GPR149: variants seen among roughly 807,000 people sequenced by gnomAD.
GPR149 encodes the protein probable G protein-coupled receptor 149.
Under a neutral mutation model 50.2 loss-of-function variants are expected in GPR149, and 50 were observed. The ratio of observed to expected loss-of-function variants is 1.00; its 90% CI spans 0.79 to 1.26. GPR149 has a LOEUF of 1.26. Ranked by LOEUF, GPR149 falls within the 50% of genes most tolerant of loss-of-function variation. The pLI, the probability that GPR149 is intolerant of heterozygous loss-of-function variation, is 0.00. For synonymous variants in GPR149, 405 were observed against 358.2 expected, an observed-to-expected ratio of 1.13 and a Z score of -1.48; for missense variants, 983 against 895.4, an observed-to-expected ratio of 1.10 and a Z score of -1.25.
chr3:154,419,475 G>C (rs1712078956), intron 3 of GPR149, among the ~76,000 whole-genome samples: 1 of 151,930 alleles, frequency 6.6e-6, no homozygotes, highest in African/African-American at 2.4e-5. Context: ...CATGTTAAAT[G>C]AACAAAAGCA....
chr3:154,386,756 T>G (rs1326608968), intron 3 of GPR149, among the ~76,000 whole-genome samples: 1 of 152,226 alleles, frequency 6.6e-6, no homozygotes. Flanking sequence ...CCACTGCGAT[T>G]GAATTCTCAT....
intron 3 of GPR149, among the ~76,000 whole-genome samples, chr3:154,368,865 C>A (rs549264055): frequency 1.6e-4 from 25 of 152,336 alleles, no homozygotes; most frequent in Admixed American, 6.5e-4. Flanking sequence ...CCTTAGCATG[C>A]AAGCATCAGT....
rs140680345 is a variant in GPR149 at position 154,409,259 on chromosome 3, A to T, written c.1623+11780T>A. On this transcript the variant is annotated intron_variant, in intron 3 of 3. Coordinates refer to ENST00000389740, the MANE Select transcript of GPR149 (RefSeq NM_001038705.3). ...TTGAATTCCAGATCTTCCCTCTGAC[A>T]TAGTCTGCCCAAATGAGAAGGAACC... Among the ~76,000 whole-genome samples the T allele has an allele frequency of 3.4e-3, 512 of 152,336 alleles. 1 individual carries two copies. Among genetic ancestry groups the T allele is most frequent in the African/African-American group, 0.012 (498 of 41,588 alleles).
intron 3 of GPR149, among the ~76,000 whole-genome samples, chr3:154,364,735 G>A (rs558191371): frequency 6.6e-6 from 1 of 152,370 alleles, no homozygotes; most frequent in African/African-American, 2.4e-5. Flanking sequence ...TACTGAGACT[G>A]AAGTTGGGCT....
At chr3:154,366,103 CAA>C (rs899190325) in intron 3 of GPR149, among the ~76,000 whole-genome samples, 1 of 152,116 alleles carries the variant, frequency 6.6e-6, no homozygotes. Flanking sequence ...GGCCCTCAAC[CAA>C]ATGACTGGAC....
chr3:154,413,315 G>A (rs1276895723), intron 3 of GPR149, among the ~76,000 whole-genome samples: 1 of 151,914 alleles, frequency 6.6e-6, no homozygotes, highest in Non-Finnish European at 1.5e-5. Context: ...ACTTAAGTAA[G>A]CTAAAAAACT....
chr3:154,395,503 G>T (rs1309445795), intron 3 of GPR149, among the ~76,000 whole-genome samples: 2 of 151,020 alleles, frequency 1.3e-5, no homozygotes, highest in African/African-American at 4.8e-5. Flanking sequence ...TCATTTATAA[G>T]TTACTTTTTG....
At chr3:154,405,381 G>T (rs1041480985) in intron 3 of GPR149, among the ~76,000 whole-genome samples, 36 of 152,046 alleles carry the variant, frequency 2.4e-4, no homozygotes, top group African/African-American at 8.7e-4. Context: ...GAGGTCAGGA[G>T]AGCGAGACCA....
At chr3:154,421,945 C>A (rs1396911311) in intron 2 of GPR149, among the ~76,000 whole-genome samples, 1 of 151,572 alleles carries the variant, frequency 6.6e-6, no homozygotes, top group South Asian at 2.1e-4. Context: ...AAGAATACCA[C>A]CAATAAATAT....
At chr3:154,408,470 G>A (rs982567917) in intron 3 of GPR149, among the ~76,000 whole-genome samples, 1 of 152,218 alleles carries the variant, frequency 6.6e-6, no homozygotes, top group Non-Finnish European at 1.5e-5. Context: ...ATAGACGCAA[G>A]GCTGTTAGTG....
rs116358603 is a variant in GPR149, at chr3:154,406,746, G to T, written c.1623+14293C>A. Among the ~76,000 whole-genome samples, 869 of 152,274 alleles carry T rather than the reference G, an allele frequency of 5.7e-3. 3 individuals carry two copies. The highest frequency in any genetic ancestry group is 8.9e-3 in the Non-Finnish European group (603 of 68,024). ...CGTTAAACCATAAACTATATGAGTG[G>T]TTACTTACAGAAGGTATGTAGGAAC... On this transcript the variant is annotated intron_variant, in intron 3 of 3. Transcript: ENST00000389740.
intron 3 of GPR149, chr3:154,354,715 T>G (rs1402242860): frequency 8.4e-6 from 5 of 597,936 alleles, no homozygotes; most frequent in African/African-American, 2.1e-5. Flanking sequence ...AATAAATACC[T>G]TTTGCCTGTC....
In GPR149 at chr3:154,337,618, G is replaced by A; in HGVS notation, c.*81C>T. 9.1e-7 allele frequency: 1 copy of A among 1,098,000 alleles called. No homozygotes were observed. Among genetic ancestry groups the A allele is most frequent in the South Asian group, 1.8e-5 (1 of 54,224 alleles). The allele number at this position is 1,098,000 out of a possible 1,614,324, so 68.0% of individuals were successfully genotyped here. ...ACTAATGTAAGCCAACAAATAAAAG[G>A]AAATCAGTCTCATAACAAAGGTGTT... On this transcript the variant is annotated 3_prime_UTR_variant, in exon 4 of 4. Transcript: ENST00000389740.
intron 3 of GPR149, among the ~76,000 whole-genome samples, chr3:154,338,636 TACTC>T (rs1259045142): frequency 3.3e-5 from 5 of 152,270 alleles, no homozygotes; most frequent in Admixed American, 1.3e-4. Context: ...TTTTGTTACA[TACTC>T]AGTTACATTA....
At chr3:154,355,466 G>C (rs1349726001) in intron 3 of GPR149, among the ~76,000 whole-genome samples, 6 of 152,238 alleles carry the variant, frequency 3.9e-5, no homozygotes, top group Non-Finnish European at 8.8e-5. Flanking sequence ...TGTTTCTCTT[G>C]GGATTATTAG....
At chr3:154,427,808 T>A in intron 1 of GPR149, 100 bp from the exon 2 acceptor site, 2 of 1,098,166 alleles carry the variant, frequency 1.8e-6, no homozygotes, top group Non-Finnish European at 2.6e-6. Context: ...TTCCAGTTCC[T>A]TCTCCTGATG....
Position 154,427,261 on chromosome 3 carries a change from CT to C in GPR149, c.1174+254del, listed in dbSNP as rs137998834. The stretch of plus-strand genomic sequence containing the variant: ...TGTGCTGAATGAATCCTAGTCTTCC[CT>C]TTTTTTTTTCTACCTAAAATAATTA... On this transcript the variant is annotated intron_variant, in intron 2 of 3. Coordinates refer to ENST00000389740, the MANE Select transcript of GPR149 (RefSeq NM_001038705.3). Among the ~76,000 whole-genome samples the C allele has an allele frequency of 3.4e-5, 5 of 148,774 alleles. No homozygotes were observed. The South Asian group carries it at 6.4e-4, about 19-fold the overall frequency.
chr3:154,381,831 TAA>T (rs35159220), intron 3 of GPR149, among the ~76,000 whole-genome samples: 1 of 152,022 alleles, frequency 6.6e-6, no homozygotes, highest in Non-Finnish European at 1.5e-5. Flanking sequence ...TGTGCACTAT[TAA>T]AAAAAATATG....
rs907792422 is a variant in GPR149 at position 154,336,312 on chromosome 3, A to G, written c.*1387T>C. The G allele has an allele frequency of 7.2e-5, 11 of 152,126 alleles. No homozygotes were observed. Among genetic ancestry groups the G allele is most frequent in the African/African-American group, 2.7e-4 (11 of 41,458 alleles). 9.4% of individuals were successfully genotyped at this position (152,126 alleles called of 1,614,324 possible). A position where few individuals can be genotyped will look rare whatever the true frequency, so the allele number is the denominator to read the frequency against. Reference sequence around the variant, plus strand: ...CGATGTCAAGTAATTTTGAATTCTAATTCAACCTAATAAAACAGAAACCAA... The same window carrying G: ...CGATGTCAAGTAATTTTGAATTCTAGTTCAACCTAATAAAACAGAAACCAA... On this transcript the variant is annotated 3_prime_UTR_variant, in exon 4 of 4. Transcript: ENST00000389740.
Sources: gnomAD v4.1 joint callset for allele counts (sites outside exome capture counted in the v4.1 genomes callset) on GRCh38, gnomAD v4.1.1 for gene constraint, MANE v1.5 for transcripts, NCBI Gene and HGNC (gene_info 2026-07-23, HGNC 2026-07-21) for gene names.